The following AADACL4 variants were observed in gnomAD, a reference collection of about 807,000 sequenced individuals.
The protein encoded by AADACL4 is arylacetamide deacetylase-like 4.
AADACL4 carries 9 observed loss-of-function variants against 14.1 expected under a neutral mutation model. The ratio of observed to expected loss-of-function variants is 0.64; its 90% CI spans 0.39 to 1.12. The LOEUF (loss-of-function observed/expected upper bound fraction) is 1.12. Ranked by LOEUF, AADACL4 falls within the 50% of genes most tolerant of loss-of-function variation. The pLI is 0.01. For missense variants in AADACL4, 531 were observed against 516.1 expected (o/e 1.03, Z -0.28); for synonymous variants, 188 against 201.6 (o/e 0.93, Z 0.57).
intron 2 of AADACL4, among the ~76,000 whole-genome samples, chr1:12,657,993 C>T (rs1647191920): frequency 6.6e-6 from 1 of 151,784 alleles, no homozygotes; most frequent in Admixed American, 6.6e-5. Flanking sequence ...CTTGCCTTCT[C>T]TTCTCCCCTT....
intron 1 of AADACL4, among the ~76,000 whole-genome samples, chr1:12,647,921 CT>C (rs371581918): frequency 3.3e-5 from 5 of 150,638 alleles, no homozygotes; most frequent in African/African-American, 1.2e-4. Context: ...GCCTCCCAAA[CT>C]GTTAGGATTA....
At chr1:12,650,606 C>T (rs1383136651) in intron 1 of AADACL4, among the ~76,000 whole-genome samples, 1 of 151,268 alleles carries the variant, frequency 6.6e-6, no homozygotes, top group Non-Finnish European at 1.5e-5. Flanking sequence ...GATCTCAGTT[C>T]ACTGCAACCT....
rs771149164 is a variant in AADACL4 at position 12,666,731 on chromosome 1, T to C, written c.1220T>C (p.Ile407Thr). 1.1e-5 allele frequency: 17 copies of C among 1,602,054 alleles called. No individual in the cohort carries two copies. In the South Asian group the frequency reaches 1.8e-4, roughly 17 times the overall value. Residue 407 changes from isoleucine to threonine, a missense_variant, in exon 4 of 4, where the codon ATA becomes ACA. Coordinates refer to ENST00000376221, the MANE Select transcript of AADACL4 (RefSeq NM_001013630.2). ...GCTGTAGTCAGTTATATAAAGGGCA[T>C]ATGATAGTAACCCTGGGGCCCCGAG... ...VNAVVSYIKG[I>T]
chr1:12,662,430 G>GCTT lies in AADACL4; in HGVS notation c.449+576_449+577insCTT, dbSNP rs745495941. Among the ~76,000 whole-genome samples the GCTT allele has an allele frequency of 3.3e-5, 5 of 152,134 alleles. No individual in the cohort carries two copies. The East Asian group carries it at 5.8e-4, about 18-fold the overall frequency. On this transcript the variant is annotated intron_variant, in intron 3 of 3. Coordinates refer to ENST00000376221, the MANE Select transcript of AADACL4 (RefSeq NM_001013630.2). ...GATTCTGGCTGTTGTTTGGGGTGAT[G>GCTT]GTTCTGCAGGTGCTTATTGCATTGT...
At position 12,666,888 on chromosome 1, in the gene AADACL4, A is replaced by T; in HGVS notation, c.*153A>T. Reference sequence around the variant, plus strand: ...GAGAAGTAAGCTAACAGTCTTGCTTAGTATTCAAGAAAATCCAAACTGTGT... The same window carrying T: ...GAGAAGTAAGCTAACAGTCTTGCTTTGTATTCAAGAAAATCCAAACTGTGT... On this transcript the variant is annotated 3_prime_UTR_variant, in exon 4 of 4. Transcript: ENST00000376221. The T allele has an allele frequency of 1.4e-6, 1 of 732,918 alleles. No individual in the cohort carries two copies. Among genetic ancestry groups the T allele is most frequent in the East Asian group, 2.7e-5 (1 of 36,416 alleles). 45.4% of individuals were successfully genotyped at this position (732,918 alleles called of 1,614,324 possible). A position where few individuals can be genotyped will look rare whatever the true frequency, so the allele number is the denominator to read the frequency against.
chr1:12,654,323 A>G lies in AADACL4; in HGVS notation c.385+2984A>G, dbSNP rs567379046. On this transcript the variant is annotated intron_variant, in intron 2 of 3. Coordinates refer to ENST00000376221, the MANE Select transcript of AADACL4 (RefSeq NM_001013630.2). ...CATGTTTTAACAACTTCTCAATTAGAGGTTGCAGTCTTTGCCTGGCTTCTG... is the reference window on the plus strand; with the variant it reads ...CATGTTTTAACAACTTCTCAATTAGGGGTTGCAGTCTTTGCCTGGCTTCTG... Among the ~76,000 whole-genome samples the G allele has an allele frequency of 2.6e-5, 4 of 152,286 alleles. No individual in the cohort carries two copies. In the South Asian group the frequency reaches 6.2e-4, roughly 24 times the overall value.
In AADACL4 at chr1:12,666,956, C is replaced by G; in HGVS notation, c.*221C>G. ...TAACAATGTCCATTGCTGGATCTAGCGACATTCTCTAACATTCCCATTTAG... is the reference window on the plus strand; with the variant it reads ...TAACAATGTCCATTGCTGGATCTAGGGACATTCTCTAACATTCCCATTTAG... On this transcript the variant is annotated 3_prime_UTR_variant, in exon 4 of 4. Coordinates refer to ENST00000376221, the MANE Select transcript of AADACL4 (RefSeq NM_001013630.2). 1 of 493,778 alleles carries G rather than the reference C, an allele frequency of 2.0e-6. No homozygotes were observed. Among genetic ancestry groups the G allele is most frequent in the Non-Finnish European group, 3.5e-6 (1 of 285,450 alleles). The allele number at this position is 493,778 out of a possible 1,614,324, so 30.6% of individuals were successfully genotyped here.
rs1213107950 is a variant in AADACL4, at chr1:12,657,007, G to A, written c.386-4784G>A. Among the ~76,000 whole-genome samples the A allele has an allele frequency of 2.0e-5, 3 of 152,032 alleles. No individual in the cohort carries two copies. In the East Asian group the frequency reaches 5.8e-4, roughly 29 times the overall value. On this transcript the variant is annotated intron_variant, in intron 2 of 3. Coordinates refer to ENST00000376221, the MANE Select transcript of AADACL4 (RefSeq NM_001013630.2). ...AAAATACAAAAGTTAGCTGGGCATGGTGACACATGCCTATAGTCCCAGCTA... is the reference window on the plus strand; with the variant it reads ...AAAATACAAAAGTTAGCTGGGCATGATGACACATGCCTATAGTCCCAGCTA...
At position 12,666,193 on chromosome 1, in the gene AADACL4, T is replaced by C; in HGVS notation, c.682T>C (p.Phe228Leu). The C allele has an allele frequency of 1.9e-6, 3 of 1,614,264 alleles. No homozygotes were observed. Among genetic ancestry groups the C allele is most frequent in the Non-Finnish European group, 2.5e-6 (3 of 1,180,048 alleles). The change falls in exon 4 of 4, where the codon TTC (phenylalanine) becomes CTC (leucine). Residue 228 changes from phenylalanine (F) to leucine (L), a missense_variant. Phe to Leu is a conservative substitution (Grantham distance 22). Coordinates refer to ENST00000376221, the MANE Select transcript of AADACL4 (RefSeq NM_001013630.2). The stretch of plus-strand genomic sequence containing the variant: ...TCTGATTTATCCAGTTGTCCAGGCA[T>C]TCTGTTTGCAGTTGCCATCCTTTCA... ...QVLIYPVVQA[F>L]CLQLPSFQQN...
chr1:12,644,486 C>G lies in AADACL4; in HGVS notation c.-61C>G. 6.3e-7 allele frequency: 1 copy of G among 1,579,816 alleles called. No individual in the cohort carries two copies. The highest frequency in any genetic ancestry group is 1.3e-5 in the African/African-American group (1 of 74,354). ...GCGGAGGGTGTAACCCAGCCAGGTC[C>G]TCTTCACATAAGCTATCAGACAAGC... On this transcript the variant is annotated 5_prime_UTR_variant, in exon 1 of 4. Coordinates refer to ENST00000376221, the MANE Select transcript of AADACL4 (RefSeq NM_001013630.2).
chr1:12,659,809 ATTATTTATGTATTTGTTTGT>A (rs1330441205), intron 2 of AADACL4, among the ~76,000 whole-genome samples: 2 of 151,818 alleles, frequency 1.3e-5, no homozygotes, highest in Non-Finnish European at 2.9e-5. Context: ...CCCCTAGGTA[ATTATTTATGTATTTGTTTGT>A]TTATTTTGAG....
intron 1 of AADACL4, 127 bp from the exon 2 acceptor site, chr1:12,650,996 C>T: frequency 2.3e-6 from 2 of 876,402 alleles, no homozygotes; most frequent in East Asian, 2.6e-5. Flanking sequence ...TCCTGAAGAG[C>T]CCCCTGTACC....
At chr1:12,655,993 C>A (rs760005302) in intron 2 of AADACL4, among the ~76,000 whole-genome samples, 1 of 152,098 alleles carries the variant, frequency 6.6e-6, no homozygotes, top group East Asian at 1.9e-4. Context: ...GGCCATTGCA[C>A]CCTATTTTCC....
intron 2 of AADACL4, among the ~76,000 whole-genome samples, chr1:12,658,730 A>G (rs1172022890): frequency 5.0e-5 from 6 of 120,072 alleles, no homozygotes; most frequent in Non-Finnish European, 1.0e-4. Context: ...GTGCACTGAT[A>G]CTGCCCTGCC....
At chr1:12,652,026 G>C (rs970152110) in intron 2 of AADACL4, among the ~76,000 whole-genome samples, 1 of 150,698 alleles carries the variant, frequency 6.6e-6, no homozygotes, top group Non-Finnish European at 1.5e-5. Context: ...TAGTAGAGAC[G>C]GGGTTTCACT....
chr1:12,666,008 G>T lies in AADACL4; in HGVS notation c.497G>T (p.Cys166Phe). Reference sequence around the variant, plus strand: ...CATTCCCCTGCCCTTTTCCAAGACTGCATGAATGCCTCCATTCACTTCCTG... The same window carrying T: ...CATTCCCCTGCCCTTTTCCAAGACTTCATGAATGCCTCCATTCACTTCCTG... ...DHHSPALFQD[C>F]MNASIHFLKA... is the part of the protein sequence containing the mutation. Residue 166 changes from cysteine (C) to phenylalanine (F), a missense_variant, in exon 4 of 4, where the codon TGC (cysteine) becomes TTC (phenylalanine). Physicochemically the swap from Cys to Phe is radical, Grantham distance 205. Transcript: ENST00000376221. 1 of 1,613,930 alleles carries T rather than the reference G, an allele frequency of 6.2e-7. No individual in the cohort carries two copies. Among genetic ancestry groups the T allele is most frequent in the Non-Finnish European group, 8.5e-7 (1 of 1,179,884 alleles).
rs573415424 is a variant in AADACL4, at chr1:12,664,947, C to CG, written c.450-1013dup. ...CAAACCTCAGGATACTGAAGACCAA[C>CG]GCCCTAGTGTTCTTCACCAGCTGCT... On this transcript the variant is annotated intron_variant, in intron 3 of 3. Coordinates refer to ENST00000376221, the MANE Select transcript of AADACL4 (RefSeq NM_001013630.2). Among the ~76,000 whole-genome samples the CG allele has an allele frequency of 4.6e-4, 70 of 152,034 alleles. 2 individuals are homozygous for CG. In the South Asian group the frequency reaches 8.1e-3, roughly 18 times the overall value.
intron 1 of AADACL4, among the ~76,000 whole-genome samples, chr1:12,645,523 C>G (rs1280144919): frequency 1.3e-5 from 2 of 152,132 alleles, no homozygotes; most frequent in African/African-American, 4.8e-5. Context: ...AGTGCACTGA[C>G]TTACCTATAG....
intron 2 of AADACL4, among the ~76,000 whole-genome samples, chr1:12,651,624 C>T (rs541937641): frequency 1.3e-5 from 2 of 152,114 alleles, no homozygotes; most frequent in Admixed American, 1.3e-4. Context: ...TCCTCTCTCC[C>T]CTTTCTACTC....
Sources: gnomAD v4.1 joint callset for allele counts (sites outside exome capture counted in the v4.1 genomes callset) on GRCh38, gnomAD v4.1.1 for gene constraint, MANE v1.5 for transcripts, NCBI Gene and HGNC (gene_info 2026-07-23, HGNC 2026-07-21) for gene names.